The following COG7 variants were observed in gnomAD, a reference collection of about 807,000 sequenced individuals.
COG7 encodes component of oligomeric golgi complex 7.
A neutral mutation model predicts 91.5 loss-of-function variants in COG7; 49 were observed. That is an observed-to-expected ratio of 0.54 (90% CI 0.43 to 0.68). COG7 has a LOEUF of 0.68. Ranked by LOEUF, COG7 falls within the 30% of genes least tolerant of loss-of-function variation. The probability of loss-of-function intolerance (pLI) is 0.00; values close to 1 mark genes in which losing one functional copy is unlikely to be tolerated. For synonymous variants in COG7, 365 were observed against 388.7 expected, an observed-to-expected ratio of 0.94 and a Z score of 0.72; for missense variants, 895 against 961.3, an observed-to-expected ratio of 0.93 and a Z score of 0.91.
chr16:23,413,739 A>G (rs1389844396), intron 9 of COG7, 175 bp from the exon 10 acceptor site: 7 of 578,188 alleles, frequency 1.2e-5, no homozygotes, highest in Non-Finnish European at 2.2e-5. Context: ...GTTCTTCTCT[A>G]TGTGGCAAGA....
At chr16:23,403,184 A>G (rs1963405563) in intron 13 of COG7, among the ~76,000 whole-genome samples, 1 of 152,216 alleles carries the variant, frequency 6.6e-6, no homozygotes, top group Non-Finnish European at 1.5e-5. Flanking sequence ...TGAGGAAAGG[A>G]AAGTGAGTCG....
At chr16:23,395,790 T>A (rs1963276149) in intron 14 of COG7, among the ~76,000 whole-genome samples, 1 of 152,254 alleles carries the variant, frequency 6.6e-6, no homozygotes, top group Non-Finnish European at 1.5e-5. Context: ...TATTTCTTGA[T>A]ATCCTGGTTG....
At chr16:23,444,956 T>C in intron 3 of COG7, 92 bp downstream of exon 3, 2 of 932,538 alleles carry the variant, frequency 2.1e-6, no homozygotes, top group Non-Finnish European at 3.6e-6. Context: ...AATGCTGCTA[T>C]TGGCTATCAA....
At chr16:23,449,365 A>AAAAAT (rs1256311225) in intron 1 of COG7, among the ~76,000 whole-genome samples, 30 of 140,446 alleles carry the variant, frequency 2.1e-4, no homozygotes, top group African/African-American at 6.2e-4. Flanking sequence ...TCCATCTCAA[A>AAAAAT]AAAATAAAAT....
At chr16:23,450,338 G>A in intron 1 of COG7, among the ~76,000 whole-genome samples, 1 of 152,116 alleles carries the variant, frequency 6.6e-6, no homozygotes, top group East Asian at 1.9e-4. Flanking sequence ...TCCTAAACAA[G>A]AAGTAACTGC....
intron 4 of COG7, among the ~76,000 whole-genome samples, chr16:23,437,104 T>C (rs1170413766): frequency 7.9e-5 from 12 of 152,134 alleles, no homozygotes; most frequent in Non-Finnish European, 1.6e-4. Flanking sequence ...GGAGGCAGCC[T>C]ATGGAGCTCA....
intron 4 of COG7, among the ~76,000 whole-genome samples, chr16:23,438,102 T>C (rs1341977484): frequency 6.9e-6 from 1 of 145,126 alleles, no homozygotes; most frequent in South Asian, 2.2e-4. Flanking sequence ...AAAAAAAAAA[T>C]TAAAAACTTG....
intron 4 of COG7, among the ~76,000 whole-genome samples, chr16:23,441,221 T>C (rs1964095824): frequency 1.3e-5 from 2 of 152,198 alleles, no homozygotes; most frequent in African/African-American, 4.8e-5. Flanking sequence ...AAGAATCTTA[T>C]AAGCCATAAT....
chr16:23,450,569 T>C (rs1228884408), intron 1 of COG7, among the ~76,000 whole-genome samples: 1 of 152,122 alleles, frequency 6.6e-6, no homozygotes, highest in Non-Finnish European at 1.5e-5. Flanking sequence ...GGCTCACGCC[T>C]GTAATCCCAG....
At chr16:23,404,863 T>C (rs1208617461) in intron 12 of COG7, among the ~76,000 whole-genome samples, 1 of 152,170 alleles carries the variant, frequency 6.6e-6, no homozygotes, top group Non-Finnish European at 1.5e-5. Flanking sequence ...GAGGTTGCAG[T>C]GATCCGAGAT....
Position 23,424,786 on chromosome 16 carries a change from G to C in COG7, c.972C>G (p.Phe324Leu), listed in dbSNP as rs747262700. The C allele has an allele frequency of 6.2e-7, 1 of 1,614,252 alleles. No homozygotes were observed. The highest frequency in any genetic ancestry group is 8.5e-7 in the Non-Finnish European group (1 of 1,180,048). The change falls in exon 7 of 17, where the codon TTC (phenylalanine) becomes TTG (leucine). Residue 324 changes from phenylalanine to leucine, a missense_variant. Transcript: ENST00000307149. ...LLEFYDATAH[F>L]AKGLEMALLP... is the part of the protein sequence containing the mutation. ...GCAGTGCCATCTCCAAGCCCTTGGC[G>C]AAGTGGGCGGTGGCGTCGTAGAACT...
At chr16:23,403,855 A>G in intron 12 of COG7, 21 bp from the exon 13 acceptor site, 1 of 1,614,006 alleles carries the variant, frequency 6.2e-7, no homozygotes, top group East Asian at 2.2e-5. Context: ...AAAATGCAAA[A>G]GGCAGTTGTT....
chr16:23,420,552 G>A (rs149021788), intron 7 of COG7, among the ~76,000 whole-genome samples: 5 of 152,004 alleles, frequency 3.3e-5, no homozygotes, highest in Admixed American at 6.6e-5. Flanking sequence ...GACCGGCTTC[G>A]TCCCTTCCCC....
rs1417278010 is a variant in COG7 at position 23,406,193 on chromosome 16, C to A, written c.1545G>T (p.Glu515Asp). 6.2e-7 allele frequency: 1 copy of A among 1,614,130 alleles called. No homozygotes were observed. Among genetic ancestry groups the A allele is most frequent in the Non-Finnish European group, 8.5e-7 (1 of 1,179,996 alleles). Reference sequence around the variant, plus strand: ...AGTTCTTCTTGTCTGTCAAGATGCTCTCCTGAAAACCAGCCAGGCTCCGGG... The same window carrying A: ...AGTTCTTCTTGTCTGTCAAGATGCTATCCTGAAAACCAGCCAGGCTCCGGG... ...CSPRSLAGFQ[E>D]SILTDKKNSA... is the part of the protein sequence containing the mutation. Residue 515 changes from glutamate to aspartate, a missense_variant, in exon 12 of 17, where the codon GAG becomes GAT. Coordinates refer to ENST00000307149, the MANE Select transcript of COG7 (RefSeq NM_153603.4).
chr16:23,451,494 A>G (rs1964264775), intron 1 of COG7, among the ~76,000 whole-genome samples: 1 of 152,154 alleles, frequency 6.6e-6, no homozygotes, highest in East Asian at 1.9e-4. Context: ...TGGGAGGATC[A>G]CTTGAGGTCA....
rs576794064 is a variant in COG7, at chr16:23,438,967, G to A, written c.604+3510C>T. Among the ~76,000 whole-genome samples, 4 of 152,016 alleles carry A rather than the reference G, an allele frequency of 2.6e-5. No homozygotes were observed. In the South Asian group the frequency reaches 8.3e-4, roughly 32 times the overall value. On this transcript the variant is annotated intron_variant, in intron 4 of 16. Transcript: ENST00000307149. ...GAGGCCAGGAGTTCGAGACCAGCCT[G>A]GCCAACATGGTGAAACCCCATCTCT...
intron 7 of COG7, among the ~76,000 whole-genome samples, chr16:23,422,417 AAATAT>A (rs1438345502): frequency 3.3e-5 from 5 of 150,840 alleles, no homozygotes; most frequent in African/African-American, 9.7e-5. Context: ...CAAAAAATGA[AAATAT>A]AAGACTGTCT....
intron 2 of COG7, 59 bp from the exon 3 acceptor site, chr16:23,445,223 C>G: frequency 8.5e-7 from 1 of 1,175,848 alleles, no homozygotes; most frequent in Non-Finnish European, 1.3e-6. Flanking sequence ...CCATCTGCCA[C>G]CAGGGACTTG....
intron 10 of COG7, 57 bp from the exon 11 acceptor site, chr16:23,410,417 G>A (rs1489841860): frequency 5.1e-6 from 7 of 1,369,996 alleles, no homozygotes; most frequent in Admixed American, 1.8e-5. Flanking sequence ...GCCTTTACAG[G>A]ACAAACATTG....
Sources: gnomAD v4.1 joint callset for allele counts (sites outside exome capture counted in the v4.1 genomes callset) on GRCh38, gnomAD v4.1.1 for gene constraint, MANE v1.5 for transcripts, NCBI Gene and HGNC (gene_info 2026-07-23, HGNC 2026-07-21) for gene names.